The following DLGAP2 variants were observed in gnomAD, a reference collection of about 807,000 sequenced individuals.
The protein encoded by DLGAP2 is disks large-associated protein 2.
Under a neutral mutation model 100.3 loss-of-function variants are expected in DLGAP2, and 26 were observed. That is an observed-to-expected ratio of 0.26 (90% CI 0.19 to 0.36). The LOEUF (loss-of-function observed/expected upper bound fraction) is 0.36, where lower values mean the gene tolerates loss of function less well. Ranked by LOEUF, DLGAP2 falls within the 10% of genes least tolerant of loss-of-function variation. The pLI is 1.00. For missense variants in DLGAP2, 1,858 were observed against 1,453.2 expected, an observed-to-expected ratio of 1.28 and a Z score of -4.53; for synonymous variants, 886 against 630.1, an observed-to-expected ratio of 1.41 and a Z score of -6.08.
At chr8:870,139 T>C (rs1797570151) in intron 1 of DLGAP2, among the ~76,000 whole-genome samples, 1 of 152,228 alleles carries the variant, frequency 6.6e-6, no homozygotes, top group Non-Finnish European at 1.5e-5. Context: ...GCTTCTGTAA[T>C]AGTCCATTAT....
intron 3 of DLGAP2, among the ~76,000 whole-genome samples, chr8:1,287,286 G>T (rs1799946922): frequency 1.3e-5 from 1 of 75,340 alleles, no homozygotes; most frequent in Non-Finnish European, 2.7e-5. Flanking sequence ...GTGTGTGGTT[G>T]TTAGGAGGGG....
chr8:821,976 C>T (rs1350286384), intron 1 of DLGAP2: 1 of 395,284 alleles, frequency 2.5e-6, no homozygotes, highest in Admixed American at 4.4e-5. Context: ...CTCTTTTCAG[C>T]TGATTAATTA....
At chr8:1,504,537 A>G (rs1176243314) in intron 4 of DLGAP2, among the ~76,000 whole-genome samples, 1 of 152,140 alleles carries the variant, frequency 6.6e-6, no homozygotes, top group Non-Finnish European at 1.5e-5. Flanking sequence ...CCTTCCGCCA[A>G]CATCCTCCCA....
At chr8:1,074,180 A>C (rs2600491) in intron 2 of DLGAP2, among the ~76,000 whole-genome samples, 32 of 144,154 alleles carry the variant, frequency 2.2e-4, no homozygotes, top group Non-Finnish European at 2.5e-4. Flanking sequence ...GAGTCACTGT[A>C]ACAGAAGGGT....
chr8:1,348,709 C>T (rs756316949), intron 3 of DLGAP2, among the ~76,000 whole-genome samples: 15 of 152,106 alleles, frequency 9.9e-5, no homozygotes, highest in Middle Eastern at 6.8e-3. Flanking sequence ...CTCTCATGGC[C>T]GCTGTGCGGA....
intron 3 of DLGAP2, among the ~76,000 whole-genome samples, chr8:1,365,280 T>A (rs1802083505): frequency 6.6e-6 from 1 of 152,138 alleles, no homozygotes; most frequent in Admixed American, 6.5e-5. Flanking sequence ...CGGGGATGTG[T>A]GGCTCAGGTG....
At chr8:1,086,466 A>G (rs1803977836) in intron 2 of DLGAP2, among the ~76,000 whole-genome samples, 1 of 152,220 alleles carries the variant, frequency 6.6e-6, no homozygotes, top group South Asian at 2.1e-4. Flanking sequence ...TAATCAAAAC[A>G]CATAGAGTGA....
Position 1,261,854 on chromosome 8 carries a change from C to G in DLGAP2, c.106+2971C>G, listed in dbSNP as rs78872253. ...CAGCCTTTTTGTTTGGTAATTTCTT[C>G]AGCAGCTTCTGCGAGTTAACTCATA... On this transcript the variant is annotated intron_variant, in intron 3 of 14. Coordinates refer to ENST00000637795, the MANE Select transcript of DLGAP2 (RefSeq NM_001346810.2). Among the ~76,000 whole-genome samples the G allele has an allele frequency of 5.5e-3, 832 of 152,336 alleles. 7 individuals are homozygous for G. Among genetic ancestry groups the G allele is most frequent in the African/African-American group, 0.019 (788 of 41,576 alleles).
intron 8 of DLGAP2, among the ~76,000 whole-genome samples, chr8:1,660,551 A>T (rs1798385988): frequency 6.6e-6 from 1 of 152,188 alleles, no homozygotes; most frequent in African/African-American, 2.4e-5. Context: ...TGGTATCTGC[A>T]TACCTGGAAG....
At chr8:1,255,006 CTTGGG>C (rs1799151227) in intron 2 of DLGAP2, among the ~76,000 whole-genome samples, 10 of 98,272 alleles carry the variant, frequency 1.0e-4, no homozygotes, top group African/African-American at 5.5e-4. Flanking sequence ...TCTCATCCTG[CTTGGG>C]CGCTGTGTGT....
chr8:981,003 C>T (rs1280159561), intron 2 of DLGAP2, among the ~76,000 whole-genome samples: 1 of 152,022 alleles, frequency 6.6e-6, no homozygotes, highest in Non-Finnish European at 1.5e-5. Flanking sequence ...TGTTATGTGA[C>T]CAACATTACC....
intron 2 of DLGAP2, among the ~76,000 whole-genome samples, chr8:1,147,967 T>C (rs1193282047): frequency 6.6e-6 from 1 of 152,244 alleles, no homozygotes. Context: ...GATTTGGAAT[T>C]AAAGTTAATC....
chr8:1,029,024 C>T (rs746881791), intron 2 of DLGAP2, among the ~76,000 whole-genome samples: 12 of 152,122 alleles, frequency 7.9e-5, no homozygotes, highest in African/African-American at 1.2e-4. Flanking sequence ...CCAAGCTGTC[C>T]TAGCTTCCCC....
At chr8:1,270,083 G>A (rs569007673) in intron 3 of DLGAP2, among the ~76,000 whole-genome samples, 1 of 152,156 alleles carries the variant, frequency 6.6e-6, no homozygotes, top group Non-Finnish European at 1.5e-5. Context: ...TTGGGGTCCT[G>A]TTGACTGACC....
chr8:1,153,113 C>T (rs1324926449), intron 2 of DLGAP2, among the ~76,000 whole-genome samples: 1 of 152,154 alleles, frequency 6.6e-6, no homozygotes. Context: ...TGCTTTGACC[C>T]ACCCTGACTT....
At chr8:1,595,687 A>AAG (rs1796434577) in intron 6 of DLGAP2, among the ~76,000 whole-genome samples, 1 of 142,798 alleles carries the variant, frequency 7.0e-6, no homozygotes, top group South Asian at 2.3e-4. Context: ...AAAAAAAAAA[A>AAG]AAAAGAAATA....
intron 12 of DLGAP2, among the ~76,000 whole-genome samples, chr8:1,681,332 A>T (rs989177707): frequency 8.4e-6 from 1 of 119,466 alleles, no homozygotes; most frequent in Non-Finnish European, 1.5e-5. Context: ...GATATCTTTT[A>T]AAAAAAAATA....
At chr8:925,478 G>T (rs547622883) in intron 2 of DLGAP2, among the ~76,000 whole-genome samples, 1 of 152,270 alleles carries the variant, frequency 6.6e-6, no homozygotes, top group South Asian at 2.1e-4. Flanking sequence ...GGCTGGATTT[G>T]TGGTGGTCCA....
chr8:1,344,325 T>A (rs556013469), intron 3 of DLGAP2, among the ~76,000 whole-genome samples: 72 of 152,284 alleles, frequency 4.7e-4, no homozygotes, highest in African/African-American at 1.7e-3. Context: ...GCCTTCAGGG[T>A]GCCACCTGCA....
Sources: gnomAD v4.1 joint callset for allele counts (sites outside exome capture counted in the v4.1 genomes callset) on GRCh38, gnomAD v4.1.1 for gene constraint, MANE v1.5 for transcripts, NCBI Gene and HGNC (gene_info 2026-07-23, HGNC 2026-07-21) for gene names.